ZNG1E: variants seen among roughly 807,000 people sequenced by gnomAD.
ZNG1E encodes Zn regulated GTPase metalloprotein activator 1E.
chr9:65,678,096 T>G, the ZNG1E span, among the ~76,000 whole-genome samples: 15 of 11,186 alleles, frequency 1.3e-3, no homozygotes, highest in African/African-American at 7.9e-3. Flanking sequence ...TCTTAAAGTG[T>G]TTTTTTTTTT....
At chr9:65,667,184 T>C in the ZNG1E span, among the ~76,000 whole-genome samples, 1 of 152,246 alleles carries the variant, frequency 6.6e-6, no homozygotes, top group Non-Finnish European at 1.5e-5. Flanking sequence ...ACCAGCACTA[T>C]TATCAAGATG....
the ZNG1E span, among the ~76,000 whole-genome samples, chr9:65,679,738 A>G: frequency 4.6e-5 from 7 of 152,238 alleles, no homozygotes; most frequent in Non-Finnish European, 1.0e-4. Flanking sequence ...TATTTTTAGT[A>G]GAGACAGGGT....
chr9:65,703,704 C>G, the ZNG1E span: 2 of 968,222 alleles, frequency 2.1e-6, no homozygotes, highest in Non-Finnish European at 2.4e-6. Context: ...TCTACTCAGT[C>G]TCTACTTGAG....
the ZNG1E span, among the ~76,000 whole-genome samples, chr9:65,687,500 C>T: frequency 6.6e-6 from 1 of 152,382 alleles, no homozygotes; most frequent in East Asian, 1.9e-4. Flanking sequence ...ACACTTTTTT[C>T]CCCCAAACTT....
the ZNG1E span, among the ~76,000 whole-genome samples, chr9:65,685,701 A>T: frequency 6.6e-6 from 1 of 152,030 alleles, no homozygotes; most frequent in African/African-American, 2.4e-5. Context: ...CCTCAAAGTC[A>T]TCTGTGAGGG....
At chr9:65,666,917 T>C in the ZNG1E span, among the ~76,000 whole-genome samples, 1 of 152,212 alleles carries the variant, frequency 6.6e-6, no homozygotes, top group African/African-American at 2.4e-5. Context: ...ATCTCCTAGG[T>C]TCAAGCGATT....
At chr9:65,671,345 TTTTA>T in the ZNG1E span, among the ~76,000 whole-genome samples, 13,166 of 150,124 alleles carry the variant, frequency 0.088, 9 homozygotes, top group Non-Finnish European at 0.13. Flanking sequence ...CAGATTACTT[TTTTA>T]TTTTTTTGTC....
the ZNG1E span, among the ~76,000 whole-genome samples, chr9:65,662,375 C>T: frequency 2.0e-5 from 3 of 152,358 alleles, no homozygotes; most frequent in Non-Finnish European, 1.5e-5. Flanking sequence ...AACAGGTCTT[C>T]GGTGGGACAA....
At chr9:65,687,923 C>T in the ZNG1E span, among the ~76,000 whole-genome samples, 2 of 150,136 alleles carry the variant, frequency 1.3e-5, no homozygotes, top group Admixed American at 1.4e-4. Context: ...GCCCTTAGTT[C>T]TTCTAAGAAC....
At chr9:65,716,676 TAAAG>T in the ZNG1E span, among the ~76,000 whole-genome samples, 7 of 147,492 alleles carry the variant, frequency 4.7e-5, no homozygotes, top group East Asian at 4.1e-4. Flanking sequence ...AAAAAAAAAA[TAAAG>T]AAAAAAGAAA....
At chr9:65,687,665 T>G in the ZNG1E span, among the ~76,000 whole-genome samples, 2 of 150,764 alleles carry the variant, frequency 1.3e-5, no homozygotes, top group Admixed American at 6.7e-5. Flanking sequence ...TGTCTATTGC[T>G]TTCGTTCCTG....
the ZNG1E span, among the ~76,000 whole-genome samples, chr9:65,658,232 G>T: frequency 6.6e-6 from 1 of 152,106 alleles, no homozygotes; most frequent in African/African-American, 2.4e-5. Context: ...AGGAGATATT[G>T]TATTGCACCC....
chr9:65,714,301 A>G, the ZNG1E span, among the ~76,000 whole-genome samples: 1 of 151,030 alleles, frequency 6.6e-6, no homozygotes. Flanking sequence ...TTTGGTTTGA[A>G]TGTCCTCCCG....
At chr9:65,656,810 T>C in the ZNG1E span, among the ~76,000 whole-genome samples, 3 of 152,244 alleles carry the variant, frequency 2.0e-5, no homozygotes, top group African/African-American at 7.2e-5. Flanking sequence ...TAGAAAATTA[T>C]TCTCTGGGGT....
the ZNG1E span, among the ~76,000 whole-genome samples, chr9:65,672,572 C>T: frequency 6.6e-6 from 1 of 151,772 alleles, no homozygotes; most frequent in Non-Finnish European, 1.5e-5. Context: ...GGTGAAACCT[C>T]GTCTCTACTA....
chr9:65,715,238 G>A, the ZNG1E span, among the ~76,000 whole-genome samples: 1 of 146,436 alleles, frequency 6.8e-6, no homozygotes, highest in Non-Finnish European at 1.5e-5. Flanking sequence ...GTGAGACAAT[G>A]CCTCGCCCTG....
chr9:65,687,176 AAC>A, the ZNG1E span, among the ~76,000 whole-genome samples: 1 of 140,610 alleles, frequency 7.1e-6, no homozygotes, highest in South Asian at 2.5e-4. Context: ...CTTTCACTTG[AAC>A]ACTTAGAGGC....
At chr9:65,714,806 TCAGA>T in the ZNG1E span, among the ~76,000 whole-genome samples, 2 of 151,932 alleles carry the variant, frequency 1.3e-5, no homozygotes, top group Non-Finnish European at 2.9e-5. Context: ...TTCAAAGCTG[TCAGA>T]CAGGGACACT....
At chr9:65,714,868 C>A in the ZNG1E span, among the ~76,000 whole-genome samples, 1 of 151,982 alleles carries the variant, frequency 6.6e-6, no homozygotes, top group African/African-American at 2.4e-5. Context: ...TGTGCCCTGC[C>A]CCCAGAGGTG....
Sources: gnomAD v4.1 joint callset for allele counts (sites outside exome capture counted in the v4.1 genomes callset) on GRCh38, gnomAD v4.1.1 for gene constraint, MANE v1.5 for transcripts, NCBI Gene and HGNC (gene_info 2026-07-23, HGNC 2026-07-21) for gene names.